PAH: variants seen among roughly 807,000 people sequenced by gnomAD.
PAH encodes the protein phenylalanine-4-hydroxylase.
A neutral mutation model predicts 62.0 loss-of-function variants in PAH; 64 were observed. That is an observed-to-expected ratio of 1.03 (90% confidence interval 0.84 to 1.27). PAH has a LOEUF of 1.27. Among genes scored for constraint, PAH ranks in the 50% most tolerant of loss-of-function variants. PAH has a pLI of 0.00. For synonymous variants in PAH, 195 were observed against 196.2 expected, an observed-to-expected ratio of 0.99 and a Z score of 0.05; for missense variants, 579 against 542.8, an observed-to-expected ratio of 1.07 and a Z score of -0.66.
At chr12:102,870,580 C>G (rs898431295) in intron 4 of PAH, among the ~76,000 whole-genome samples, 1 of 152,154 alleles carries the variant, frequency 6.6e-6, no homozygotes, top group African/African-American at 2.4e-5. Context: ...AAAAGATGTA[C>G]TCTGGAATGG....
chr12:102,934,718 T>C (rs1351390494), intron 1 of PAH, among the ~76,000 whole-genome samples: 1 of 152,152 alleles, frequency 6.6e-6, no homozygotes, highest in Non-Finnish European at 1.5e-5. Context: ...CTTTTTCAGA[T>C]TGTTTGCTGC....
intron 2 of PAH, among the ~76,000 whole-genome samples, chr12:102,908,659 GA>G (rs1420751776): frequency 1.4e-4 from 7 of 51,520 alleles, no homozygotes; most frequent in Non-Finnish European, 2.3e-4. Context: ...CCCCCATTAT[GA>G]ACATATGAAC....
At chr12:102,927,283 T>G (rs964275950) in intron 1 of PAH, among the ~76,000 whole-genome samples, 1 of 137,102 alleles carries the variant, frequency 7.3e-6, no homozygotes, top group Non-Finnish European at 1.5e-5. Flanking sequence ...CAAAAAAGTT[T>G]TTTTTTTTTT....
At chr12:102,919,469 AT>A (rs1878500768), upstream of PAH, among the ~76,000 whole-genome samples, 1 of 152,138 alleles carries the variant, frequency 6.6e-6, no homozygotes, top group South Asian at 2.1e-4. Context: ...TCTTTCAGGT[AT>A]TTTTAAATGT....
intron 3 of PAH, among the ~76,000 whole-genome samples, chr12:102,893,617 C>G (rs1191203134): frequency 6.6e-6 from 1 of 152,096 alleles, no homozygotes. Context: ...TCATTTAATC[C>G]TCACAAAAGC....
At chr12:102,874,608 C>G (rs1239940747) in intron 4 of PAH, among the ~76,000 whole-genome samples, 1 of 152,098 alleles carries the variant, frequency 6.6e-6, no homozygotes, top group Non-Finnish European at 1.5e-5. Flanking sequence ...AGCCCCTGCT[C>G]AAGAAGCATT....
At chr12:102,945,890 G>A (rs561712528) in intron 1 of PAH, 2 of 152,294 alleles carry the variant, frequency 1.3e-5, no homozygotes, top group African/African-American at 4.8e-5. Context: ...AGCCACCACA[G>A]CTAGGAATAT....
In PAH at chr12:102,877,518, C is replaced by A. The variant is rs199475606; in HGVS notation, c.385G>T (p.Asp129Tyr). ...CTGAGAATCTGATTGGCAAATCTGT[C>A]CAGCTCTTGAATGGTTCTTGGGAAC... is the stretch of plus-strand genomic sequence containing the variant. ...PWFPRTIQEL[D>Y]RFANQILSYG... The change falls in exon 4 of 13, where the codon GAC becomes TAC. Residue 129 changes from aspartate (D) to tyrosine (Y), a missense_variant. Transcript: ENST00000553106. 2 of 1,614,036 alleles carry A rather than the reference C, an allele frequency of 1.2e-6. No individual in the cohort carries two copies. Among genetic ancestry groups the A allele is most frequent in the Non-Finnish European group, 1.7e-6 (2 of 1,179,980 alleles).
At chr12:102,862,062 C>T (rs1875752232) in intron 5 of PAH, among the ~76,000 whole-genome samples, 1 of 151,770 alleles carries the variant, frequency 6.6e-6, no homozygotes, top group Non-Finnish European at 1.5e-5. Flanking sequence ...GGTACATACC[C>T]AAAGGAATAT....
chr12:102,932,825 G>C (rs532065295), intron 1 of PAH, among the ~76,000 whole-genome samples: 2 of 152,142 alleles, frequency 1.3e-5, no homozygotes, highest in Non-Finnish European at 2.9e-5. Flanking sequence ...ATTTTTAGTT[G>C]TTGTGAGTAT....
chr12:102,910,794 G>T (rs1878173756), intron 2 of PAH, among the ~76,000 whole-genome samples: 1 of 149,470 alleles, frequency 6.7e-6, no homozygotes, highest in Admixed American at 6.6e-5. Flanking sequence ...CTCAGCCATG[G>T]TTCTAAGGGG....
intron 3 of PAH, among the ~76,000 whole-genome samples, chr12:102,880,535 G>A (rs1029151906): frequency 6.6e-6 from 1 of 152,134 alleles, no homozygotes; most frequent in African/African-American, 2.4e-5. Flanking sequence ...CCTGGGAATC[G>A]TTCATAATTC....
intron 3 of PAH, 37 bp from the exon 4 acceptor site, chr12:102,877,587 T>G: frequency 1.4e-6 from 2 of 1,462,246 alleles, no homozygotes; most frequent in Non-Finnish European, 1.9e-6. Flanking sequence ...GAGTACAGAT[T>G]GGCAGAACAT....
At chr12:102,840,613 C>T (rs1451966217) in intron 11 of PAH, 98 bp from the exon 12 acceptor site, 11 of 829,566 alleles carry the variant, frequency 1.3e-5, no homozygotes, top group South Asian at 4.1e-5. Flanking sequence ...TTTAGGAACA[C>T]GGACACCTCC....
chr12:102,958,325 C>G, exon 1 of PAH: 1 of 1,472,642 alleles, frequency 6.8e-7, no homozygotes, highest in Non-Finnish European at 9.0e-7. Context: ...TCCTGCCGCC[C>G]GCAGCCTGTT....
rs767107144 is a variant in PAH, at chr12:102,917,234, G to A, written c.-104C>T. 3.0e-4 allele frequency: 281 copies of A among 940,852 alleles called. No homozygotes were observed. Among genetic ancestry groups the A allele is most frequent in the Non-Finnish European group, 4.3e-4 (250 of 581,428 alleles). The allele number at this position is 940,852 out of a possible 1,614,324, so 58.3% of individuals were successfully genotyped here. A position where few individuals can be genotyped will look rare whatever the true frequency, so the allele number is the denominator to read the frequency against. ...AAGGTTTTAACCTCGCACTAGGGAGGAGAAGAGAGTTACAAAGGGTGTCTC... is the reference window on the plus strand; with the variant it reads ...AAGGTTTTAACCTCGCACTAGGGAGAAGAAGAGAGTTACAAAGGGTGTCTC... On this transcript the variant is annotated 5_prime_UTR_variant, in exon 1 of 13. Coordinates refer to ENST00000553106, the MANE Select transcript of PAH (RefSeq NM_000277.3).
chr12:102,892,648 A>G (rs1484268090), intron 3 of PAH, among the ~76,000 whole-genome samples: 2 of 152,206 alleles, frequency 1.3e-5, no homozygotes, highest in African/African-American at 4.8e-5. Flanking sequence ...GACATGGAGG[A>G]TTTGTAAATA....
In PAH at chr12:102,957,846, T is replaced by C. The variant is rs1593011839; in HGVS notation, c.-96+349A>G. On this transcript the variant is annotated intron_variant, in intron 1 of 4. Transcript: ENST00000551337. This position sits in a 1 kb window ranked among gnomAD's most constrained non-coding sequence, Gnocchi z 4.1. ...CCGGCGCAAGAGAGCGCAGCCTTAG[T>C]AGGAGAGGAACGCGAGACGCGGCAG... 1 of 167,510 alleles carries C rather than the reference T, an allele frequency of 6.0e-6. No individual in the cohort carries two copies. The highest frequency in any genetic ancestry group is 1.7e-4 in the East Asian group (1 of 5,938). The allele number at this position is 167,510 out of a possible 1,614,324, so 10.4% of individuals were successfully genotyped here. A position where few individuals can be genotyped will look rare whatever the true frequency, so the allele number is the denominator to read the frequency against.
At chr12:102,891,126 G>A (rs542100482) in intron 3 of PAH, among the ~76,000 whole-genome samples, 20 of 152,228 alleles carry the variant, frequency 1.3e-4, no homozygotes, top group Admixed American at 2.6e-4. Flanking sequence ...TTACTTCCTG[G>A]ATCCTCAGAG....
Sources: gnomAD v4.1 joint callset for allele counts (sites outside exome capture counted in the v4.1 genomes callset) on GRCh38, gnomAD v4.1.1 for gene constraint, Gnocchi (gnomAD v3.1) non-coding constraint, MANE v1.5 for transcripts, NCBI Gene and HGNC (gene_info 2026-07-23, HGNC 2026-07-21) for gene names.